Variants in ING5 observed in about 807,000 individuals in gnomAD.
ING5 encodes the protein inhibitor of growth family member 5.
ING5 carries 17 observed loss-of-function variants against 37.4 expected under a neutral mutation model. The ratio of observed to expected loss-of-function variants is 0.45; its 90% CI spans 0.31 to 0.68. The LOEUF is 0.68. Among genes scored for constraint, ING5 ranks in the 30% least tolerant of loss-of-function variants. The probability of loss-of-function intolerance (pLI) is 0.05; values close to 1 mark genes in which losing one functional copy is unlikely to be tolerated. For missense variants in ING5, 233 were observed against 311.9 expected, an observed-to-expected ratio of 0.75 and a Z score of 1.91; for synonymous variants, 123 against 116.6, an observed-to-expected ratio of 1.06 and a Z score of -0.36.
intron 7 of ING5, chr2:241,724,107 T>C: frequency 7.8e-7 from 1 of 1,280,892 alleles, no homozygotes; most frequent in East Asian, 3.7e-5. Flanking sequence ...CGGAATGTGC[T>C]CTTCTGTGTG....
Position 241,687,261 on chromosome 2 carries a change from C to T in ING5, c.-1575C>T, listed in dbSNP as rs1173470913. The T allele has an allele frequency of 7.5e-6, 3 of 397,888 alleles. No homozygotes were observed. In the East Asian group the frequency reaches 1.1e-4, roughly 14 times the overall value. The allele number at this position is 397,888 out of a possible 1,614,324, so 24.6% of individuals were successfully genotyped here. On this transcript the variant is annotated 5_prime_UTR_variant, in exon 1 of 8. Coordinates refer to the ING5 transcript ENST00000636051. ...CCGCTGCCAGCGTGAGGGCTCCGGT[C>T]ACGCGGCGCGCGAGACGAACGAGCG...
chr2:241,714,609 T>A (rs973736872), intron 5 of ING5, among the ~76,000 whole-genome samples: 1 of 152,040 alleles, frequency 6.6e-6, no homozygotes, highest in Non-Finnish European at 1.5e-5. Context: ...TTTTTTTTTT[T>A]TCCCTGAGGG....
At chr2:241,688,453 G>C (rs1309357579) in intron 1 of ING5, among the ~76,000 whole-genome samples, 1 of 152,090 alleles carries the variant, frequency 6.6e-6, no homozygotes, top group Non-Finnish European at 1.5e-5. Flanking sequence ...CAATTTCCCG[G>C]ACTTTACTCC....
In ING5 at chr2:241,720,249, C is replaced by T. The variant is rs910271668; in HGVS notation, c.483-2690C>T. 70 of 1,230,810 alleles carry T rather than the reference C, an allele frequency of 5.7e-5. No homozygotes were observed. The African/African-American group carries it at 6.0e-4, about 11-fold the overall frequency. 76.2% of individuals were successfully genotyped at this position (1,230,810 alleles called of 1,614,324 possible). ...CCCTGGGCTCTGGAGTTCTGTGGTG[C>T]GCGTCCCTGACCCATCAGCACAGTG... On this transcript the variant is annotated intron_variant, in intron 5 of 7. Transcript: ENST00000313552.
chr2:241,704,757 G>C, intron 2 of ING5, 33 bp downstream of exon 2: 1 of 1,568,320 alleles, frequency 6.4e-7, no homozygotes, highest in Non-Finnish European at 8.8e-7. Flanking sequence ...AACCAGAACT[G>C]AGTTCTGACA....
intron 5 of ING5, among the ~76,000 whole-genome samples, chr2:241,719,331 C>T (rs1043509417): frequency 6.6e-6 from 1 of 152,260 alleles, no homozygotes; most frequent in African/African-American, 2.4e-5. Flanking sequence ...CCAGCCCTCA[C>T]TCAGTGCATG....
intron 2 of ING5, among the ~76,000 whole-genome samples, chr2:241,693,652 C>CTTTTTTT (rs1185556171): frequency 4.5e-4 from 35 of 78,566 alleles, no homozygotes; most frequent in Non-Finnish European, 6.4e-4. Flanking sequence ...AAATACAACT[C>CTTTTTTT]TTTTTTTTTT....
intron 3 of ING5, among the ~76,000 whole-genome samples, chr2:241,709,586 T>G (rs1335081569): frequency 9.2e-5 from 14 of 151,618 alleles, no homozygotes; most frequent in Non-Finnish European, 1.5e-5. Flanking sequence ...GGGCCCTTTT[T>G]GTTTGTGTAT....
At chr2:241,712,114 A>G (rs760118990) in intron 5 of ING5, 43 bp downstream of exon 5, 14 of 1,432,498 alleles carry the variant, frequency 9.8e-6, no homozygotes, top group Admixed American at 4.5e-5. Context: ...ACGAATACCC[A>G]TAGCCTGTAT....
In ING5 at chr2:241,712,053, A is replaced by G; in HGVS notation, c.464A>G (p.Lys155Arg). The change falls in exon 5 of 8, where the codon AAA becomes AGA. Residue 155 changes from lysine to arginine, a missense_variant. Physicochemically the swap from Lys to Arg is conservative, Grantham distance 26 (BLOSUM62 2). Around this residue, in one of 4 missense-constraint regions of ING5, gnomAD observed 76 missense variants for 68.2 expected, o/e 1.11. Coordinates refer to ENST00000313552, the MANE Select transcript of ING5 (RefSeq NM_032329.6). The stretch of plus-strand genomic sequence containing the variant: ...ACATCAGAGGAAGACACACCAAAGA[A>G]AAAGAAGCACAAAGGAGGGTAAGAG... The part of the protein sequence containing the change: ...RRTSEEDTPK[K>R]KKHKGGSEFT... 1.9e-6 allele frequency: 3 copies of G among 1,611,410 alleles called. No homozygotes were observed.
chr2:241,699,065 C>A (rs1178200749), upstream of ING5, among the ~76,000 whole-genome samples: 1 of 145,966 alleles, frequency 6.9e-6, no homozygotes, highest in Non-Finnish European at 1.5e-5. Context: ...GCTCTTGTAG[C>A]CCAGGCTGGA....
intron 3 of ING5, 27 bp downstream of exon 3, chr2:241,709,409 C>G (rs550386974): frequency 1.6e-5 from 25 of 1,597,430 alleles, no homozygotes; most frequent in Non-Finnish European, 1.9e-5. Context: ...GGCCATGGCT[C>G]TTCCTCTGAC....
chr2:241,697,479 C>T (rs541071416), upstream of ING5, among the ~76,000 whole-genome samples: 20 of 151,780 alleles, frequency 1.3e-4, no homozygotes, highest in Non-Finnish European at 4.4e-5. Flanking sequence ...GTGGAACATC[C>T]GGACGTTGGA....
At chr2:241,700,801 T>C (rs376910690), upstream of ING5, among the ~76,000 whole-genome samples, 2 of 151,794 alleles carry the variant, frequency 1.3e-5, no homozygotes, top group East Asian at 1.9e-4. Context: ...AATTTTTGTA[T>C]TTTTAGTAGA....
At position 241,727,030 on chromosome 2, in the gene ING5, C is replaced by T. The variant is rs954905325; in HGVS notation, c.*1999C>T. 6.6e-6 allele frequency: 1 copy of T among 152,176 alleles called. No individual in the cohort carries two copies. The highest frequency in any genetic ancestry group is 2.4e-5 in the African/African-American group (1 of 41,440). 9.4% of individuals were successfully genotyped at this position (152,176 alleles called of 1,614,324 possible). A position where few individuals can be genotyped will look rare whatever the true frequency, so the allele number is the denominator to read the frequency against. The stretch of plus-strand genomic sequence containing the variant: ...CAGGATGGTCTCGATCTCCTGACCT[C>T]ACGATTTGCCCGCCTCGGCTTCCCA... On this transcript the variant is annotated 3_prime_UTR_variant, in exon 8 of 8. Coordinates refer to ENST00000313552, the MANE Select transcript of ING5 (RefSeq NM_032329.6).
At chr2:241,706,472 A>G (rs1330315528) in intron 2 of ING5, among the ~76,000 whole-genome samples, 1 of 152,006 alleles carries the variant, frequency 6.6e-6, no homozygotes, top group South Asian at 2.1e-4. Flanking sequence ...TCTACTAAAA[A>G]TACAAAATTA....
intron 5 of ING5, chr2:241,721,436 C>T (rs2070432805): frequency 5.1e-6 from 5 of 985,544 alleles, no homozygotes; most frequent in Non-Finnish European, 6.0e-6. Context: ...CTTAGGTGGG[C>T]GCCCCTGTGC....
chr2:241,716,635 CTTAAG>C (rs1273376104), intron 5 of ING5, among the ~76,000 whole-genome samples: 2 of 152,128 alleles, frequency 1.3e-5, no homozygotes, highest in Admixed American at 6.6e-5. Context: ...ACTCAGTTTC[CTTAAG>C]TTATCACAGT....
chr2:241,724,273 A>C (rs139403660), intron 7 of ING5, among the ~76,000 whole-genome samples: 80 of 152,298 alleles, frequency 5.3e-4, no homozygotes, highest in African/African-American at 1.8e-3. Context: ...TGGCGTCAAC[A>C]CAGGCTGTCC....
Sources: allele counts gnomAD v4.1 joint callset (sites outside exome capture counted in the v4.1 genomes callset), GRCh38; gene constraint gnomAD v4.1.1; regional missense constraint gnomAD v4.1.1; transcripts MANE v1.5; gene names NCBI Gene and HGNC (gene_info 2026-07-23, HGNC 2026-07-21).